Variants in DMXL2 observed in about 807,000 individuals in gnomAD.
DMXL2 encodes the protein dmX-like protein 2.
In DMXL2, 103 loss-of-function variants were observed where a neutral mutation model predicts 331.1. The ratio of observed to expected loss-of-function variants is 0.31; its 90% CI spans 0.27 to 0.37. DMXL2 has a LOEUF of 0.37. DMXL2 is among the 10% of genes least tolerant of loss of function. DMXL2 has a pLI of 1.00. For synonymous variants in DMXL2, 1,281 were observed against 1,252.1 expected (o/e 1.02, Z -0.49); for missense variants, 3,171 against 3,642.9 (o/e 0.87, Z 3.33).
chr15:51,602,260 T>C (rs1595710996), intron 1 of DMXL2, among the ~76,000 whole-genome samples: 1 of 152,160 alleles, frequency 6.6e-6, no homozygotes, highest in African/African-American at 2.4e-5. Context: ...CCATTTACTT[T>C]TGGCTCAAGG....
chr15:51,502,848 G>C lies in DMXL2; in HGVS notation c.2950C>G (p.Leu984Val). 2 of 1,614,096 alleles carry C rather than the reference G, an allele frequency of 1.2e-6. No homozygotes were observed. The highest frequency in any genetic ancestry group is 1.7e-5 in the Admixed American group (1 of 60,018). Residue 984 changes from leucine (L) to valine (V), a missense_variant, in exon 17 of 44, where the codon CTC (leucine) becomes GTC (valine). Around this residue, in one of 7 missense-constraint regions of DMXL2, gnomAD observed 1,674 missense variants for 1,780.2 expected, o/e 0.94. Transcript: ENST00000560891. ...SRLVYSQPLD[L>V]PESVEVIRAT... is the part of the protein sequence containing the mutation. ...CTTATTACTTCAACTGATTCTGGGA[G>C]ATCAAGGGGTTGGCTATACACCAGT...
chr15:51,512,333 A>G (rs1393295426), intron 15 of DMXL2, among the ~76,000 whole-genome samples: 1 of 152,206 alleles, frequency 6.6e-6, no homozygotes, highest in Non-Finnish European at 1.5e-5. Flanking sequence ...ATATAGATTC[A>G]AACAAAAACA....
At chr15:51,531,459 G>T (rs549200156) in intron 13 of DMXL2, among the ~76,000 whole-genome samples, 4 of 152,132 alleles carry the variant, frequency 2.6e-5, no homozygotes, top group Non-Finnish European at 5.9e-5. Flanking sequence ...AACTTTCCAG[G>T]ACATTGGTCT....
chr15:51,472,932 G>T (rs567322142), intron 28 of DMXL2, among the ~76,000 whole-genome samples: 46 of 152,234 alleles, frequency 3.0e-4, no homozygotes, highest in African/African-American at 1.1e-3. Context: ...AACAACTAAC[G>T]CTTTTACCAT....
chr15:51,605,584 C>A (rs374689547), intron 1 of DMXL2, among the ~76,000 whole-genome samples: 1 of 35,240 alleles, frequency 2.8e-5, no homozygotes, highest in African/African-American at 8.1e-5. Context: ...TCGCCCAGGC[C>A]GGACTGCGGA....
At chr15:51,550,185 T>C (rs1164927680) in intron 6 of DMXL2, among the ~76,000 whole-genome samples, 2 of 152,078 alleles carry the variant, frequency 1.3e-5, no homozygotes, top group East Asian at 3.8e-4. Context: ...CAAATGATCA[T>C]CTCAACAGAT....
At chr15:51,473,290 T>C (rs2041288448) in intron 28 of DMXL2, among the ~76,000 whole-genome samples, 1 of 152,204 alleles carries the variant, frequency 6.6e-6, no homozygotes, top group Non-Finnish European at 1.5e-5. Context: ...AATTGCCTGA[T>C]AGGTGTTAAG....
At chr15:51,471,126 C>A in intron 29 of DMXL2, 97 bp downstream of exon 29, 1 of 1,201,060 alleles carries the variant, frequency 8.3e-7, no homozygotes, top group South Asian at 1.8e-5. Context: ...TGATTCAATC[C>A]AAAAGCTACC....
chr15:51,567,042 C>CTTTTTTT (rs746850030), intron 3 of DMXL2: 1,400 of 118,032 alleles, frequency 0.012, 42 homozygotes, highest in Non-Finnish European at 0.016. Flanking sequence ...GTTCCAGATA[C>CTTTTTTT]TTTTTTTTTT....
intron 1 of DMXL2, among the ~76,000 whole-genome samples, chr15:51,591,035 T>A (rs1567159724): frequency 6.6e-6 from 1 of 152,132 alleles, no homozygotes; most frequent in Non-Finnish European, 1.5e-5. Flanking sequence ...TTTCTGCATT[T>A]CCAACTGAGG....
intron 6 of DMXL2, 55 bp from the exon 7 acceptor site, chr15:51,547,463 T>C (rs569814939): frequency 7.6e-7 from 1 of 1,317,616 alleles, no homozygotes; most frequent in African/African-American, 1.5e-5. Context: ...AATTCAAAAT[T>C]TAAGTGGTTT....
chr15:51,452,620 A>T (rs922761969), intron 41 of DMXL2, among the ~76,000 whole-genome samples: 1 of 152,202 alleles, frequency 6.6e-6, no homozygotes, highest in Non-Finnish European at 1.5e-5. Flanking sequence ...GGTGGTGAAA[A>T]GGGGACACCT....
chr15:51,512,169 A>G (rs1254876257), intron 15 of DMXL2, among the ~76,000 whole-genome samples: 3 of 152,208 alleles, frequency 2.0e-5, no homozygotes, highest in Non-Finnish European at 4.4e-5. Context: ...CTGCACATGT[A>G]TTCCAGAAAT....
intron 18 of DMXL2, 105 bp from the exon 19 acceptor site, chr15:51,495,239 T>C (rs1053934227): frequency 6.2e-5 from 40 of 648,178 alleles, no homozygotes; most frequent in Non-Finnish European, 1.0e-4. Context: ...TTATATAAAA[T>C]ACATAAGTTT....
At chr15:51,503,227 C>T (rs1156766759) in intron 16 of DMXL2, among the ~76,000 whole-genome samples, 194 bp from the exon 17 acceptor site, 1 of 152,056 alleles carries the variant, frequency 6.6e-6, no homozygotes, top group African/African-American at 2.4e-5. Context: ...TAGGTGTTTA[C>T]CCAAAGGAAA....
chr15:51,488,428 G>A, intron 21 of DMXL2, 120 bp downstream of exon 21: 2 of 879,456 alleles, frequency 2.3e-6, no homozygotes, highest in Non-Finnish European at 3.6e-6. Context: ...AAGGAACCAG[G>A]TCGCATAGAA....
At chr15:51,475,629 G>A (rs186910161) in intron 27 of DMXL2, among the ~76,000 whole-genome samples, 1 of 152,132 alleles carries the variant, frequency 6.6e-6, no homozygotes, top group East Asian at 1.9e-4. Flanking sequence ...AAAGAAGGAA[G>A]ACTTTACTCA....
intron 42 of DMXL2, among the ~76,000 whole-genome samples, chr15:51,451,132 T>G (rs1324536293): frequency 6.6e-6 from 1 of 152,194 alleles, no homozygotes; most frequent in African/African-American, 2.4e-5. Flanking sequence ...ACCTTTGTTT[T>G]ATTTTATGGT....
intron 18 of DMXL2, among the ~76,000 whole-genome samples, chr15:51,497,960 T>G (rs2043300843): frequency 6.6e-6 from 1 of 152,110 alleles, no homozygotes; most frequent in Admixed American, 6.6e-5. Flanking sequence ...GGCCAGTCCA[T>G]GGTGACTCAT....
Sources: gnomAD v4.1 joint callset for allele counts (sites outside exome capture counted in the v4.1 genomes callset) on GRCh38, gnomAD v4.1.1 for gene constraint, gnomAD v4.1.1 regional missense constraint, MANE v1.5 for transcripts, NCBI Gene and HGNC (gene_info 2026-07-23, HGNC 2026-07-21) for gene names.